The following MEGF11 variants were observed in gnomAD, a reference collection of about 807,000 sequenced individuals.
The protein encoded by MEGF11 is multiple epidermal growth factor-like domains protein 11.
Under a neutral mutation model 146.6 loss-of-function variants are expected in MEGF11, and 126 were observed. That is an observed-to-expected ratio of 0.86 (90% CI 0.74 to 1.00). The LOEUF (loss-of-function observed/expected upper bound fraction) is 1.00. MEGF11 is among the 50% of genes least tolerant of loss of function. MEGF11 has a pLI of 0.00. For synonymous variants in MEGF11, 532 were observed against 583.4 expected (o/e 0.91, Z 1.27); for missense variants, 1,509 against 1,521.2 (o/e 0.99, Z 0.13).
At chr15:65,931,346 T>C (rs1297236305) in intron 10 of MEGF11, among the ~76,000 whole-genome samples, 1 of 152,050 alleles carries the variant, frequency 6.6e-6, no homozygotes, top group East Asian at 1.9e-4. Flanking sequence ...ACCAAGAAAA[T>C]GAGGGCCTCA....
At chr15:65,906,010 T>C (rs2078616339) in intron 24 of MEGF11, 75 bp downstream of exon 24, 1 of 1,265,220 alleles carries the variant, frequency 7.9e-7, no homozygotes, top group African/African-American at 1.5e-5. Flanking sequence ...CAAGTGGAAT[T>C]CCTGGCCATT....
chr15:66,212,403 TG>T (rs2091484008), intron 1 of MEGF11, among the ~76,000 whole-genome samples: 1 of 152,090 alleles, frequency 6.6e-6, no homozygotes, highest in African/African-American at 2.4e-5. Flanking sequence ...GGGTGCATCG[TG>T]GGGGGACTGG....
At chr15:65,910,651 C>T (rs1226164075) in intron 21 of MEGF11, among the ~76,000 whole-genome samples, 1 of 152,116 alleles carries the variant, frequency 6.6e-6, no homozygotes, top group African/African-American at 2.4e-5. Context: ...CTGAGAGTGG[C>T]CTTGGGGTGT....
intron 5 of MEGF11, among the ~76,000 whole-genome samples, chr15:66,025,466 A>T (rs2083296211): frequency 6.6e-6 from 1 of 151,962 alleles, no homozygotes; most frequent in African/African-American, 2.4e-5. Context: ...GAGGTCCACT[A>T]CCTCTTCTAG....
At chr15:66,109,699 C>T (rs2087287705) in intron 4 of MEGF11, among the ~76,000 whole-genome samples, 1 of 152,322 alleles carries the variant, frequency 6.6e-6, no homozygotes, top group South Asian at 2.1e-4. Flanking sequence ...CTCTTGTTCT[C>T]CTGGTGAATT....
intron 4 of MEGF11, among the ~76,000 whole-genome samples, chr15:66,115,835 G>T (rs1324566676): frequency 6.6e-6 from 1 of 152,184 alleles, no homozygotes; most frequent in Non-Finnish European, 1.5e-5. Context: ...GTTGCAGCCA[G>T]GAAACTACCA....
At chr15:65,901,421 G>A (rs896861927) in intron 24 of MEGF11, among the ~76,000 whole-genome samples, 2 of 152,142 alleles carry the variant, frequency 1.3e-5, no homozygotes, top group African/African-American at 4.8e-5. Flanking sequence ...GAATAGGGCT[G>A]TGCAGAAAGG....
intron 1 of MEGF11, among the ~76,000 whole-genome samples, chr15:66,187,237 C>T (rs1288573117): frequency 6.6e-6 from 1 of 152,214 alleles, no homozygotes; most frequent in African/African-American, 2.4e-5. Context: ...AGATTGGAAT[C>T]TAGGAACACG....
chr15:65,926,801 T>C lies in MEGF11; in HGVS notation c.1675+1624A>G, dbSNP rs562660887. On this transcript the variant is annotated intron_variant, in intron 13 of 25. Coordinates refer to ENST00000395614, the MANE Select transcript of MEGF11 (RefSeq NM_001385028.1). ...GCACTAGATGTCATTAAAATCTTAA[T>C]TGGCTCACTCAAAATTAAGGCAATG... Among the ~76,000 whole-genome samples the C allele has an allele frequency of 4.6e-5, 7 of 152,362 alleles. No individual in the cohort carries two copies. In the South Asian group the frequency reaches 1.4e-3, roughly 32 times the overall value.
At chr15:66,155,259 C>G (rs555483148) in intron 1 of MEGF11, among the ~76,000 whole-genome samples, 5 of 152,248 alleles carry the variant, frequency 3.3e-5, no homozygotes, top group Admixed American at 6.5e-5. Context: ...GTGATGCCCC[C>G]CACCCCCCGC....
At chr15:66,078,105 C>T (rs2085672154) in intron 5 of MEGF11, among the ~76,000 whole-genome samples, 1 of 152,144 alleles carries the variant, frequency 6.6e-6, no homozygotes, top group African/African-American at 2.4e-5. Context: ...GGACAGACTG[C>T]CTGAGTTCAA....
At chr15:66,042,878 G>T (rs1264373606) in intron 5 of MEGF11, among the ~76,000 whole-genome samples, 1 of 152,118 alleles carries the variant, frequency 6.6e-6, no homozygotes, top group East Asian at 1.9e-4. Flanking sequence ...TTTAACTGAT[G>T]ACATCTGCAA....
At chr15:66,249,229 C>A (rs1194933229) in intron 1 of MEGF11, among the ~76,000 whole-genome samples, 2 of 152,166 alleles carry the variant, frequency 1.3e-5, no homozygotes, top group Non-Finnish European at 2.9e-5. Flanking sequence ...TCAGTTGTTT[C>A]CCCCACCCCT....
At chr15:66,248,703 A>G (rs1243123074) in intron 1 of MEGF11, among the ~76,000 whole-genome samples, 1 of 152,220 alleles carries the variant, frequency 6.6e-6, no homozygotes, top group Non-Finnish European at 1.5e-5. Flanking sequence ...AACTAAAAGC[A>G]AGGTACTCAC....
chr15:66,245,479 A>AG (rs1419169396), intron 1 of MEGF11, among the ~76,000 whole-genome samples: 1 of 150,912 alleles, frequency 6.6e-6, no homozygotes, highest in Non-Finnish European at 1.5e-5. Context: ...AAGAAAAAAA[A>AG]AAATTAGCCA....
rs886456373 is a variant in MEGF11 at position 65,952,496 on chromosome 15, A to T, written c.1287+5051T>A. 2.0e-5 allele frequency among the ~76,000 whole-genome samples: 3 copies of T among 151,818 alleles called. 1 individual carries two copies. On this transcript the variant is annotated intron_variant, in intron 10 of 25. Coordinates refer to ENST00000395614, the MANE Select transcript of MEGF11 (RefSeq NM_001385028.1). ...TCCTCACAAAGACAGGTATTTCAGGACTCTGCTGGCCTGACCACTGTGTCA... is the reference window on the plus strand; with the variant it reads ...TCCTCACAAAGACAGGTATTTCAGGTCTCTGCTGGCCTGACCACTGTGTCA...
intron 1 of MEGF11, among the ~76,000 whole-genome samples, chr15:66,141,788 A>G (rs920264999): frequency 6.6e-6 from 1 of 152,136 alleles, no homozygotes; most frequent in Non-Finnish European, 1.5e-5. Context: ...TTAGGTCACA[A>G]TATCCTGTGT....
At chr15:65,968,053 AAATCTTGTCATATTTCAGCC>A (rs2081171621) in intron 8 of MEGF11, among the ~76,000 whole-genome samples, 1 of 152,188 alleles carries the variant, frequency 6.6e-6, no homozygotes, top group East Asian at 1.9e-4. Context: ...GTCTTTCTGC[AAATCTTGTCATATTTCAGCC>A]AATCTGAGGC....
At chr15:66,084,352 G>A (rs573841373) in intron 5 of MEGF11, among the ~76,000 whole-genome samples, 5 of 152,242 alleles carry the variant, frequency 3.3e-5, no homozygotes, top group South Asian at 2.1e-4. Context: ...CGGACAATGC[G>A]GCGGCTTGCA....
Sources: allele counts gnomAD v4.1 joint callset (sites outside exome capture counted in the v4.1 genomes callset), GRCh38; gene constraint gnomAD v4.1.1; transcripts MANE v1.5; gene names NCBI Gene and HGNC (gene_info 2026-07-23, HGNC 2026-07-21).